Variants in DHCR24 observed in about 807,000 individuals in gnomAD.
The protein encoded by DHCR24 is delta(24)-sterol reductase.
In DHCR24, 28 loss-of-function variants were observed where a neutral mutation model predicts 61.2. The ratio of observed to expected loss-of-function variants is 0.46; its 90% CI spans 0.34 to 0.63. The LOEUF (loss-of-function observed/expected upper bound fraction) is 0.63, where lower values mean the gene tolerates loss of function less well. DHCR24 is among the 20% of genes least tolerant of loss of function. The pLI, the probability that DHCR24 is intolerant of heterozygous loss-of-function variation, is 0.01. For synonymous variants in DHCR24, 261 were observed against 275.9 expected, an observed-to-expected ratio of 0.95 and a Z score of 0.54; for missense variants, 538 against 679.1, an observed-to-expected ratio of 0.79 and a Z score of 2.31.
intron 1 of DHCR24, among the ~76,000 whole-genome samples, chr1:54,885,806 C>T (rs1353607022): frequency 4.6e-5 from 7 of 152,146 alleles, no homozygotes; most frequent in Non-Finnish European, 7.3e-5. Context: ...GGGAGACAAG[C>T]AGGTAAATGG....
intron 3 of DHCR24, 125 bp downstream of exon 3, chr1:54,875,817 C>G (rs569865090): frequency 1.3e-6 from 1 of 773,736 alleles, no homozygotes; most frequent in South Asian, 1.4e-5. Flanking sequence ...AAGTAAGAGA[C>G]TGAATGACTT....
chr1:54,853,473 C>A lies in DHCR24; in HGVS notation c.1358G>T (p.Cys453Phe). 1 of 1,614,212 alleles carries A rather than the reference C, an allele frequency of 6.2e-7. No homozygotes were observed. Among genetic ancestry groups the A allele is most frequent in the Non-Finnish European group, 8.5e-7 (1 of 1,180,044 alleles). Residue 453 changes from cysteine to phenylalanine, a missense_variant, in exon 8 of 9, where the codon TGC becomes TTC. Transcript: ENST00000371269. Reference sequence around the variant, plus strand: ...GACAAACTTCTCCAGCTGCCTCATGCAGGACCTGGCTTCAAAGTGTTTCAC... The same window carrying A: ...GACAAACTTCTCCAGCTGCCTCATGAAGGACCTGGCTTCAAAGTGTTTCAC... Reference protein sequence around the residue: ...PRVKHFEARSCMRQLEKFVRS... With the variant: ...PRVKHFEARSFMRQLEKFVRS...
intron 8 of DHCR24, among the ~76,000 whole-genome samples, chr1:54,853,187 G>GC (rs1646886605): frequency 6.6e-6 from 1 of 151,942 alleles, no homozygotes; most frequent in Non-Finnish European, 1.5e-5. Flanking sequence ...GGCTGCTGGG[G>GC]GGGTGTGACA....
At chr1:54,852,490 G>A in intron 8 of DHCR24, 104 bp from the exon 9 acceptor site, 2 of 1,331,832 alleles carry the variant, frequency 1.5e-6, no homozygotes, top group Non-Finnish European at 2.1e-6. Context: ...GGCTTTTGGA[G>A]GATTTCTCTT....
Position 54,852,193 on chromosome 1 carries a change from G to A in DHCR24, c.*40C>T. 6.2e-7 allele frequency: 1 copy of A among 1,613,094 alleles called. No individual in the cohort carries two copies. Among genetic ancestry groups the A allele is most frequent in the Non-Finnish European group, 8.5e-7 (1 of 1,179,522 alleles). The stretch of plus-strand genomic sequence containing the variant: ...AAGCTTGAGTGAAGGGAAGATGCCT[G>A]ACCACTCACACGTGTCTGTCTCTCC... On this transcript the variant is annotated 3_prime_UTR_variant, in exon 9 of 9. Transcript: ENST00000371269.
intron 6 of DHCR24, among the ~76,000 whole-genome samples, chr1:54,858,035 T>A (rs987682274): frequency 6.6e-6 from 1 of 152,062 alleles, no homozygotes; most frequent in Non-Finnish European, 1.5e-5. Context: ...AGGAGAAGAG[T>A]TATCCCAGCA....
chr1:54,866,909 G>A (rs2101566732), intron 5 of DHCR24, among the ~76,000 whole-genome samples: 1 of 152,336 alleles, frequency 6.6e-6, no homozygotes, highest in East Asian at 1.9e-4. Flanking sequence ...GTGAACAGGG[G>A]AACCCAGCAG....
At chr1:54,880,330 T>C (rs1245951289) in intron 2 of DHCR24, among the ~76,000 whole-genome samples, 5 of 152,198 alleles carry the variant, frequency 3.3e-5, no homozygotes. Flanking sequence ...GAAATTGAAT[T>C]TGTGCTTAAA....
rs531945510 is a variant in DHCR24, at chr1:54,851,164, G to A, written c.*1069C>T. ...AAATTAACTACAGCTGGGGTGGGGA[G>A]TGGTGGAAGAAAGAAAAAGAGGGAT... is the stretch of plus-strand genomic sequence containing the variant. On this transcript the variant is annotated 3_prime_UTR_variant, in exon 9 of 9. Coordinates refer to ENST00000371269, the MANE Select transcript of DHCR24 (RefSeq NM_014762.4). 2 of 152,546 alleles carry A rather than the reference G, an allele frequency of 1.3e-5. No individual in the cohort carries two copies. Among genetic ancestry groups the A allele is most frequent in the Admixed American group, 6.5e-5 (1 of 15,290 alleles). 9.4% of individuals were successfully genotyped at this position (152,546 alleles called of 1,614,324 possible).
intron 1 of DHCR24, among the ~76,000 whole-genome samples, chr1:54,884,123 C>G (rs896055388): frequency 6.6e-6 from 1 of 152,216 alleles, no homozygotes; most frequent in Admixed American, 6.5e-5. Flanking sequence ...TCCCAACACA[C>G]TAGGCATCTA....
In DHCR24 at chr1:54,865,371, CCT is replaced by C; in HGVS notation, c.950_951del (p.Glu317GlyfsTer55). ...TGTCTCAAGGGAATGTACTCCAGGC[CCT>C]CTCGGTTTGTCTTCAGATAGTTCTC... is the stretch of plus-strand genomic sequence containing the variant. ...HVENYLKTNR[E>X]GLEYIPLRHY... On this transcript the variant is annotated frameshift_variant, in exon 6 of 9. Transcript: ENST00000371269. LOFTEE classifies it high-confidence loss of function. The C allele has an allele frequency of 6.2e-7, 1 of 1,614,154 alleles. No individual in the cohort carries two copies. Among genetic ancestry groups the C allele is most frequent in the Non-Finnish European group, 8.5e-7 (1 of 1,180,038 alleles).
intron 5 of DHCR24, among the ~76,000 whole-genome samples, chr1:54,869,822 A>C (rs1401882521): frequency 6.6e-6 from 1 of 152,144 alleles, no homozygotes; most frequent in East Asian, 1.9e-4. Flanking sequence ...TTGGGAGGCC[A>C]AGGCAGGCAG....
At position 54,852,293 on chromosome 1, in the gene DHCR24, C is replaced by G; in HGVS notation, c.1491G>C (p.Leu497=). The G allele has an allele frequency of 6.2e-7, 1 of 1,614,236 alleles. No individual in the cohort carries two copies. The highest frequency in any genetic ancestry group is 8.5e-7 in the Non-Finnish European group (1 of 1,180,044). The change falls in exon 9 of 9, where the codon CTG becomes CTC. Residue 497 remains leucine (L), a synonymous_variant. Coordinates refer to ENST00000371269, the MANE Select transcript of DHCR24 (RefSeq NM_014762.4). ...CCTCGGGGAAGGCGTCCTGGCAACC[C>G]AGCTTCTCTCGCAGCTTGTGGTACA... ...GSLYHKLREK[L]GCQDAFPEVY... is the part of the protein sequence containing the mutation.
intron 5 of DHCR24, among the ~76,000 whole-genome samples, chr1:54,870,720 C>A (rs886517893): frequency 6.6e-5 from 10 of 152,224 alleles, no homozygotes; most frequent in African/African-American, 2.4e-4. Flanking sequence ...TTGTGGAACC[C>A]ACAGATACAA....
Position 54,865,459 on chromosome 1 carries a change from A to C in DHCR24, c.877-13T>G, listed in dbSNP as rs1646963339. The C allele has an allele frequency of 6.2e-7, 1 of 1,613,876 alleles. No homozygotes were observed. Among genetic ancestry groups the C allele is most frequent in the Non-Finnish European group, 8.5e-7 (1 of 1,180,038 alleles). On this transcript the variant is annotated splice_polypyrimidine_tract_variant and intron_variant, in intron 5 of 8. Transcript: ENST00000371269. ...CAATGCTATTCAGCTGAAATGACAG[A>C]GGGCATTGTGATCAGCCTGCAGACA... is the stretch of plus-strand genomic sequence containing the variant.
Position 54,853,540 on chromosome 1 carries a change from C to A in DHCR24, c.1291G>T (p.Ala431Ser), listed in dbSNP as rs1390630451. 6.2e-7 allele frequency: 1 copy of A among 1,610,602 alleles called. No individual in the cohort carries two copies. The highest frequency in any genetic ancestry group is 1.1e-5 in the South Asian group (1 of 90,990). Residue 431 changes from alanine to serine, a missense_variant, in exon 8 of 9, where the codon GCA becomes TCA. Ala to Ser is a moderately conservative substitution (Grantham distance 99). Coordinates refer to ENST00000371269, the MANE Select transcript of DHCR24 (RefSeq NM_014762.4). ...GCTCCAATGTCGATGTAGAGCTCTGCCTCATTTCCTTTGGGGTGCACTAGG... is the reference window on the plus strand; with the variant it reads ...GCTCCAATGTCGATGTAGAGCTCTGACTCATTTCCTTTGGGGTGCACTAGG... ...PGLVHPKGNEAELYIDIGAYG... is the reference protein window; with the variant it reads ...PGLVHPKGNESELYIDIGAYG...
At chr1:54,875,492 C>G (rs1031315062) in intron 3 of DHCR24, among the ~76,000 whole-genome samples, 3 of 152,038 alleles carry the variant, frequency 2.0e-5, no homozygotes, top group Non-Finnish European at 4.4e-5. Context: ...ACCTAGAAAT[C>G]TGTGTGCATT....
chr1:54,866,162 G>A (rs1034253304), intron 5 of DHCR24, among the ~76,000 whole-genome samples: 7 of 152,068 alleles, frequency 4.6e-5, no homozygotes, highest in African/African-American at 1.2e-4. Context: ...AGATGCTCTC[G>A]GGGAGAGGCA....
intron 1 of DHCR24, among the ~76,000 whole-genome samples, chr1:54,885,793 CAG>C (rs1557441567): frequency 6.6e-6 from 1 of 152,094 alleles, no homozygotes; most frequent in Non-Finnish European, 1.5e-5. Flanking sequence ...CACAGTCTGA[CAG>C]GGGAGACAAG....
Sources: gnomAD v4.1 joint callset for allele counts (sites outside exome capture counted in the v4.1 genomes callset) on GRCh38, gnomAD v4.1.1 for gene constraint, MANE v1.5 for transcripts, NCBI Gene and HGNC (gene_info 2026-07-23, HGNC 2026-07-21) for gene names.